HIGD1A: variants seen among roughly 807,000 people sequenced by gnomAD.
HIGD1A encodes the protein HIG1 hypoxia inducible domain family member 1A, also known as HIG1 domain family member 1A, mitochondrial.
HIGD1A carries 8 observed loss-of-function variants against 11.3 expected under a neutral mutation model. The observed-to-expected ratio is 0.71, with a 90% CI of 0.42 to 1.28. The LOEUF (loss-of-function observed/expected upper bound fraction) is 1.28. Among genes scored for constraint, HIGD1A ranks in the 50% most tolerant of loss-of-function variants. The probability of loss-of-function intolerance (pLI) is 0.01; values close to 1 mark genes in which losing one functional copy is unlikely to be tolerated. For missense variants in HIGD1A, 107 were observed against 118.8 expected, an observed-to-expected ratio of 0.90 and a Z score of 0.46; for synonymous variants, 32 against 38.4, an observed-to-expected ratio of 0.83 and a Z score of 0.62.
At chr3:42,802,815 T>A (rs2125596533) in intron 1 of HIGD1A, among the ~76,000 whole-genome samples, 1 of 152,302 alleles carries the variant, frequency 6.6e-6, no homozygotes, top group South Asian at 2.1e-4. Context: ...GAGTCCTGGG[T>A]TCTTTTGATT....
Position 42,783,813 on chromosome 3 carries a change from C to T in HIGD1A, c.*1458G>A, listed in dbSNP as rs1035747693. ...ATAATCAGCTGGGCGTGGTGGCTCA[C>T]GCCTGTAATCCTAGCACTTTGGGAG... On this transcript the variant is annotated 3_prime_UTR_variant, in exon 4 of 4. Transcript: ENST00000321331. Among the ~76,000 whole-genome samples the T allele has an allele frequency of 6.6e-6, 1 of 151,644 alleles. No homozygotes were observed. Among genetic ancestry groups the T allele is most frequent in the East Asian group, 2.0e-4 (1 of 5,102 alleles).
intron 2 of HIGD1A, among the ~76,000 whole-genome samples, chr3:42,788,755 G>C (rs1225102042): frequency 4.0e-5 from 6 of 151,802 alleles, no homozygotes; most frequent in African/African-American, 1.5e-4. Flanking sequence ...GGTGGCGGGA[G>C]TAGTCCCAGC....
At position 42,784,095 on chromosome 3, in the gene HIGD1A, T is replaced by G. The variant is rs1397341936; in HGVS notation, c.*1176A>C. On this transcript the variant is annotated 3_prime_UTR_variant, in exon 4 of 4. Coordinates refer to ENST00000321331, the MANE Select transcript of HIGD1A (RefSeq NM_014056.4). ...CGTCTCAAAAAAAAAAAAAAAAAAT[T>G]TATATGGATAATCAATAGAACAAAA... Among the ~76,000 whole-genome samples the G allele has an allele frequency of 1.3e-5, 2 of 148,984 alleles. No homozygotes were observed. The highest frequency in any genetic ancestry group is 2.1e-4 in the South Asian group (1 of 4,710).
chr3:42,804,165 AACTC>A, intron 1 of HIGD1A: 5 of 1,609,124 alleles, frequency 3.1e-6, no homozygotes, highest in Non-Finnish European at 4.2e-6. Flanking sequence ...CCCGCTCGGC[AACTC>A]ACTCCACAAG....
At position 42,786,052 on chromosome 3, in the gene HIGD1A, A is replaced by G; in HGVS notation, c.208T>C (p.Phe70Leu). Residue 70 changes from phenylalanine (F) to leucine (L), a missense_variant, in exon 3 of 4, where the codon TTT becomes CTT. Physicochemically the swap from Phe to Leu is conservative, Grantham distance 22. Coordinates refer to ENST00000321331, the MANE Select transcript of HIGD1A (RefSeq NM_014056.4). ...LIHMRVAAQG[F>L]VVGAMTVGMG... ...CCAACAGTCATTGCTCCTACAACAA[A>G]GCCTTGGGCTGCCACACGCATGTGG... 1 of 1,612,888 alleles carries G rather than the reference A, an allele frequency of 6.2e-7. No homozygotes were observed. The highest frequency in any genetic ancestry group is 2.0e-4 in the Middle Eastern group (1 of 5,000).
At chr3:42,788,024 C>G (rs987430405) in intron 2 of HIGD1A, among the ~76,000 whole-genome samples, 3 of 11,938 alleles carry the variant, frequency 2.5e-4, no homozygotes, top group African/African-American at 2.7e-4. Flanking sequence ...ACACACATAC[C>G]CCCACCTCTA....
At position 42,783,685 on chromosome 3, in the gene HIGD1A, T is replaced by C. The variant is rs1363444686; in HGVS notation, c.*1586A>G. Among the ~76,000 whole-genome samples the C allele has an allele frequency of 3.3e-5, 5 of 151,874 alleles. No homozygotes were observed. The highest frequency in any genetic ancestry group is 5.9e-5 in the Non-Finnish European group (4 of 67,946). ...CCAATAATATATCGACCAGAACTGGTTAGTAGAGGAGGAGGGAAGGAAGAA... is the reference window on the plus strand; with the variant it reads ...CCAATAATATATCGACCAGAACTGGCTAGTAGAGGAGGAGGGAAGGAAGAA... On this transcript the variant is annotated 3_prime_UTR_variant, in exon 4 of 4. Transcript: ENST00000321331.
chr3:42,792,488 A>G (rs1017342537), intron 2 of HIGD1A, among the ~76,000 whole-genome samples: 6 of 151,644 alleles, frequency 4.0e-5, no homozygotes, highest in African/African-American at 1.5e-4. Context: ...CCTGGCTAAC[A>G]CGGTGAAACC....
At chr3:42,794,131 A>C in intron 2 of HIGD1A, 26 bp downstream of exon 2, 1 of 1,593,602 alleles carries the variant, frequency 6.3e-7, no homozygotes, top group Non-Finnish European at 8.5e-7. Flanking sequence ...CATATTCAAG[A>C]CTACTAAAAT....
chr3:42,795,635 T>C (rs1369094551), intron 1 of HIGD1A, among the ~76,000 whole-genome samples: 2 of 152,158 alleles, frequency 1.3e-5, no homozygotes, highest in Non-Finnish European at 2.9e-5. Context: ...CTAGGCTTCC[T>C]TTTAAAACTC....
chr3:42,787,587 T>C (rs1482661530), intron 2 of HIGD1A, among the ~76,000 whole-genome samples: 1 of 21,034 alleles, frequency 4.8e-5, no homozygotes, highest in African/African-American at 1.6e-4. Context: ...CGAGACTCCA[T>C]CTCAAAAATA....
chr3:42,791,191 T>C (rs1281555028), intron 2 of HIGD1A, among the ~76,000 whole-genome samples: 2 of 152,108 alleles, frequency 1.3e-5, no homozygotes, highest in Non-Finnish European at 2.9e-5. Flanking sequence ...TGATAGAAAA[T>C]TAAAGTATCC....
intron 2 of HIGD1A, among the ~76,000 whole-genome samples, chr3:42,787,106 A>G (rs1559675153): frequency 6.6e-6 from 1 of 152,228 alleles, no homozygotes; most frequent in African/African-American, 2.4e-5. Flanking sequence ...CTGGTATAAT[A>G]TAGCAAAATT....
At chr3:42,804,388 C>T in intron 1 of HIGD1A, 48 bp downstream of exon 1, 1 of 536,548 alleles carries the variant, frequency 1.9e-6, no homozygotes, top group Non-Finnish European at 3.3e-6. Flanking sequence ...TCTTCCCGCC[C>T]CGCGGCCCGA....
At chr3:42,788,312 A>AT (rs1400210735) in intron 2 of HIGD1A, among the ~76,000 whole-genome samples, 1 of 152,180 alleles carries the variant, frequency 6.6e-6, no homozygotes, top group African/African-American at 2.4e-5. Flanking sequence ...GAAATGAATG[A>AT]TTTCTGAGGA....
chr3:42,801,386 C>T (rs559914261), intron 1 of HIGD1A, among the ~76,000 whole-genome samples: 1 of 152,284 alleles, frequency 6.6e-6, no homozygotes, highest in Admixed American at 6.5e-5. Flanking sequence ...CCTTATAACC[C>T]TTATAAGCAC....
chr3:42,794,627 T>C (rs905301170), intron 1 of HIGD1A, among the ~76,000 whole-genome samples: 3 of 152,218 alleles, frequency 2.0e-5, no homozygotes, highest in Non-Finnish European at 4.4e-5. Context: ...TAATCAACTA[T>C]TTAACTTGAC....
At chr3:42,803,174 G>A (rs1191020655) in intron 1 of HIGD1A, among the ~76,000 whole-genome samples, 1 of 152,186 alleles carries the variant, frequency 6.6e-6, no homozygotes, top group African/African-American at 2.4e-5. Flanking sequence ...GATATTTAAA[G>A]TCAGTTTGGA....
chr3:42,784,649 T>C lies in HIGD1A; in HGVS notation c.*622A>G, dbSNP rs1359615266. ...CAGCAGCAAAAATATAATTTGCAAT[T>C]ACAAAAAACTAAACTAGAATCCTTA... On this transcript the variant is annotated 3_prime_UTR_variant, in exon 4 of 4. Coordinates refer to ENST00000321331, the MANE Select transcript of HIGD1A (RefSeq NM_014056.4). 1 of 152,668 alleles carries C rather than the reference T, an allele frequency of 6.6e-6. No homozygotes were observed. The highest frequency in any genetic ancestry group is 1.5e-5 in the Non-Finnish European group (1 of 68,048). 9.5% of individuals were successfully genotyped at this position (152,668 alleles called of 1,614,324 possible). A position where few individuals can be genotyped will look rare whatever the true frequency, so the allele number is the denominator to read the frequency against.
Sources: allele counts gnomAD v4.1 joint callset (sites outside exome capture counted in the v4.1 genomes callset), GRCh38; gene constraint gnomAD v4.1.1; transcripts MANE v1.5; gene names NCBI Gene and HGNC (gene_info 2026-07-23, HGNC 2026-07-21).